CPPED1: variants seen among roughly 807,000 people sequenced by gnomAD.
CPPED1 encodes serine/threonine-protein phosphatase CPPED1.
CPPED1 carries 28 observed loss-of-function variants against 28.0 expected under a neutral mutation model. The ratio of observed to expected loss-of-function variants is 1.00; its 90% CI spans 0.74 to 1.37. The LOEUF is 1.37. CPPED1 is among the 40% of genes most tolerant of loss of function. The probability of loss-of-function intolerance (pLI) is 0.00; values close to 1 mark genes in which losing one functional copy is unlikely to be tolerated. For synonymous variants in CPPED1, 198 were observed against 180.2 expected (o/e 1.10, Z -0.79); for missense variants, 504 against 416.5 (o/e 1.21, Z -1.83).
chr16:12,793,234 C>T (rs1012494750), intron 1 of CPPED1, among the ~76,000 whole-genome samples: 1 of 152,194 alleles, frequency 6.6e-6, no homozygotes, highest in Non-Finnish European at 1.5e-5. Context: ...CAATTACACA[C>T]TTCGCTCTTT....
intron 3 of CPPED1, among the ~76,000 whole-genome samples, chr16:12,678,840 C>T (rs1362380120): frequency 1.3e-5 from 2 of 152,076 alleles, no homozygotes; most frequent in Non-Finnish European, 2.9e-5. Context: ...GCAAATAGGC[C>T]ATTTTACTTC....
chr16:12,782,406 C>G (rs908573046), intron 1 of CPPED1, among the ~76,000 whole-genome samples: 1 of 152,114 alleles, frequency 6.6e-6, no homozygotes, highest in Non-Finnish European at 1.5e-5. Context: ...GGGCTGGACA[C>G]GGCACAGTCT....
intron 2 of CPPED1, among the ~76,000 whole-genome samples, chr16:12,713,630 G>A (rs2080091653): frequency 6.6e-6 from 1 of 152,046 alleles, no homozygotes; most frequent in Non-Finnish European, 1.5e-5. Context: ...TAAAGTGCTA[G>A]AATTACAGGT....
chr16:12,697,759 T>C (rs541971375), intron 3 of CPPED1, among the ~76,000 whole-genome samples: 26 of 152,140 alleles, frequency 1.7e-4, no homozygotes, highest in Non-Finnish European at 3.7e-4. Context: ...ATATTTACTA[T>C]CTGACCCTTT....
At chr16:12,788,067 T>C (rs2080574902) in intron 1 of CPPED1, among the ~76,000 whole-genome samples, 1 of 152,226 alleles carries the variant, frequency 6.6e-6, no homozygotes, top group African/African-American at 2.4e-5. Context: ...TTCCTTGCCA[T>C]ATGGGCCTCT....
intron 3 of CPPED1, among the ~76,000 whole-genome samples, chr16:12,695,468 A>G (rs1332853308): frequency 1.3e-5 from 2 of 151,990 alleles, no homozygotes; most frequent in Non-Finnish European, 2.9e-5. Context: ...ACAGAGTCTC[A>G]CTATGTTGCC....
At chr16:12,681,251 CG>C (rs2079903499) in intron 3 of CPPED1, among the ~76,000 whole-genome samples, 2 of 151,898 alleles carry the variant, frequency 1.3e-5, no homozygotes, top group Non-Finnish European at 2.9e-5. Flanking sequence ...GATTAGGTCA[CG>C]GGGGCTCTGC....
intron 3 of CPPED1, among the ~76,000 whole-genome samples, chr16:12,665,628 C>T (rs1012140242): frequency 1.3e-5 from 2 of 150,600 alleles, no homozygotes; most frequent in African/African-American, 4.9e-5. Context: ...TCTGTCTCTA[C>T]CAAAAATATA....
intron 2 of CPPED1, among the ~76,000 whole-genome samples, chr16:12,719,492 C>T (rs972664178): frequency 6.6e-6 from 1 of 152,006 alleles, no homozygotes; most frequent in Non-Finnish European, 1.5e-5. Flanking sequence ...TGCAAATATG[C>T]CTAGAAATGT....
intron 2 of CPPED1, among the ~76,000 whole-genome samples, chr16:12,768,283 C>A (rs1296612612): frequency 4.6e-5 from 7 of 152,234 alleles, no homozygotes; most frequent in African/African-American, 1.4e-4. Flanking sequence ...AAATGCTTCA[C>A]TGAACAAATA....
chr16:12,778,586 T>C (rs746599483), intron 2 of CPPED1, among the ~76,000 whole-genome samples: 2 of 152,270 alleles, frequency 1.3e-5, no homozygotes, highest in Non-Finnish European at 2.9e-5. Context: ...AGGGCCAAGA[T>C]ACTATTTATG....
Position 12,670,358 on chromosome 16 carries a change from G to C in CPPED1, c.716-5243C>G, listed in dbSNP as rs1049905345. On this transcript the variant is annotated intron_variant, in intron 3 of 3. Coordinates refer to ENST00000381774, the MANE Select transcript of CPPED1 (RefSeq NM_018340.3). This position sits in a 1 kb window ranked among gnomAD's most constrained non-coding sequence, Gnocchi z 4.2. ...AAACTACTGAATAAATAAATAAATG[G>C]TAGGGGGAGAAACATCTCCTACACA... is the stretch of plus-strand genomic sequence containing the variant. Among the ~76,000 whole-genome samples the C allele has an allele frequency of 6.6e-6, 1 of 152,070 alleles. No individual in the cohort carries two copies. The highest frequency in any genetic ancestry group is 2.4e-5 in the African/African-American group (1 of 41,400).
At chr16:12,671,413 G>A (rs2079852130) in intron 3 of CPPED1, among the ~76,000 whole-genome samples, 2 of 152,060 alleles carry the variant, frequency 1.3e-5, no homozygotes, top group South Asian at 4.1e-4. Flanking sequence ...GAAAGAAAAT[G>A]AGGAGACAAG....
intron 2 of CPPED1, among the ~76,000 whole-genome samples, chr16:12,758,631 T>G (rs1044374487): frequency 6.6e-6 from 1 of 152,186 alleles, no homozygotes; most frequent in Non-Finnish European, 1.5e-5. Flanking sequence ...TTTCTGACTT[T>G]AAAACCCAGA....
At chr16:12,719,572 G>A (rs1468396613) in intron 2 of CPPED1, among the ~76,000 whole-genome samples, 1 of 152,116 alleles carries the variant, frequency 6.6e-6, no homozygotes, top group African/African-American at 2.4e-5. Flanking sequence ...GACTTACCAT[G>A]TCCTTATATA....
chr16:12,714,608 A>C (rs1217474485), intron 2 of CPPED1, among the ~76,000 whole-genome samples: 1 of 152,170 alleles, frequency 6.6e-6, no homozygotes, highest in African/African-American at 2.4e-5. Context: ...GTCTATTCAG[A>C]TACTTTGCCC....
At chr16:12,803,680 C>T (rs1463221626) in intron 1 of CPPED1, 27 bp downstream of exon 1, 2 of 1,501,426 alleles carry the variant, frequency 1.3e-6, no homozygotes, top group African/African-American at 1.5e-5. Context: ...CCCAGAGTCC[C>T]CTCCCCGGGT....
At chr16:12,747,710 G>A (rs764705103) in intron 2 of CPPED1, among the ~76,000 whole-genome samples, 5 of 152,050 alleles carry the variant, frequency 3.3e-5, no homozygotes, top group Admixed American at 6.6e-5. Context: ...GAGCCACCGC[G>A]CCCGGCCTTA....
At chr16:12,802,898 T>C (rs576113600) in intron 1 of CPPED1, among the ~76,000 whole-genome samples, 10 of 152,322 alleles carry the variant, frequency 6.6e-5, no homozygotes, top group African/African-American at 1.9e-4. Flanking sequence ...CCTGATCATA[T>C]AGGGCATTTA....
Sources: gnomAD v4.1 joint callset for allele counts (sites outside exome capture counted in the v4.1 genomes callset) on GRCh38, gnomAD v4.1.1 for gene constraint, Gnocchi (gnomAD v3.1) non-coding constraint, MANE v1.5 for transcripts, NCBI Gene and HGNC (gene_info 2026-07-23, HGNC 2026-07-21) for gene names.